Variants in BMP6 observed in about 807,000 individuals in gnomAD.
BMP6 encodes the protein VG-1-R.
A neutral mutation model predicts 54.1 loss-of-function variants in BMP6; 17 were observed. The observed-to-expected ratio is 0.31, with a 90% CI of 0.22 to 0.47. BMP6 has a LOEUF of 0.47. Ranked by LOEUF, BMP6 falls within the 20% of genes least tolerant of loss-of-function variation. The pLI is 1.00. For synonymous variants in BMP6, 328 were observed against 291.2 expected, an observed-to-expected ratio of 1.13 and a Z score of -1.28; for missense variants, 720 against 690.4, an observed-to-expected ratio of 1.04 and a Z score of -0.48.
intron 1 of BMP6, among the ~76,000 whole-genome samples, chr6:7,791,044 C>T (rs11759532): frequency 3.3e-5 from 5 of 151,870 alleles, no homozygotes; most frequent in Non-Finnish European, 4.4e-5. Context: ...CCCTCTCCTC[C>T]GACAAAATCC....
At chr6:7,840,930 T>C (rs1248189293) in intron 1 of BMP6, among the ~76,000 whole-genome samples, 2 of 152,152 alleles carry the variant, frequency 1.3e-5, no homozygotes, top group Non-Finnish European at 2.9e-5. Context: ...TTGAAAAAGC[T>C]AATTTAGAGG....
At chr6:7,797,755 TAAC>T (rs1758212193) in intron 1 of BMP6, among the ~76,000 whole-genome samples, 2 of 152,168 alleles carry the variant, frequency 1.3e-5, no homozygotes, top group South Asian at 4.1e-4. Context: ...ACTTTATTAA[TAAC>T]AGCAACAAAA....
intron 1 of BMP6, among the ~76,000 whole-genome samples, chr6:7,792,027 T>C (rs1356277879): frequency 6.8e-6 from 1 of 148,002 alleles, no homozygotes; most frequent in African/African-American, 2.6e-5. Flanking sequence ...GATGGATGGA[T>C]GGATGGAAAC....
Position 7,880,580 on chromosome 6 carries a change from G to C in BMP6, c.*237G>C. Reference sequence around the variant, plus strand: ...CTGAGTTTGGATGTCTGTAGCATAAGGTCTGGTAACTGCAGAAACATAACC... The same window carrying C: ...CTGAGTTTGGATGTCTGTAGCATAACGTCTGGTAACTGCAGAAACATAACC... On this transcript the variant is annotated 3_prime_UTR_variant, in exon 7 of 7. Transcript: ENST00000283147. 1 of 562,934 alleles carries C rather than the reference G, an allele frequency of 1.8e-6. No homozygotes were observed. The highest frequency in any genetic ancestry group is 3.0e-5 in the East Asian group (1 of 33,216). 34.9% of individuals were successfully genotyped at this position (562,934 alleles called of 1,614,324 possible). A position where few individuals can be genotyped will look rare whatever the true frequency, so the allele number is the denominator to read the frequency against.
At chr6:7,733,811 C>T (rs935470224) in intron 1 of BMP6, among the ~76,000 whole-genome samples, 4 of 152,180 alleles carry the variant, frequency 2.6e-5, no homozygotes, top group African/African-American at 4.8e-5. Context: ...CGGCACTAGT[C>T]TCTCCTGGAA....
intron 1 of BMP6, among the ~76,000 whole-genome samples, chr6:7,826,385 G>T (rs1397514626): frequency 6.6e-6 from 1 of 152,194 alleles, no homozygotes; most frequent in African/African-American, 2.4e-5. Context: ...AGAGGTCAGA[G>T]GGGCAGTGTG....
At chr6:7,779,829 T>C (rs17605530) in intron 1 of BMP6, among the ~76,000 whole-genome samples, 5,695 of 152,274 alleles carry the variant, frequency 0.037, 151 homozygotes, top group Non-Finnish European at 0.053. Context: ...AGCAAAGAGA[T>C]GCCATCTGAG....
intron 1 of BMP6, among the ~76,000 whole-genome samples, chr6:7,768,585 G>A (rs934309865): frequency 4.6e-5 from 7 of 152,070 alleles, no homozygotes; most frequent in African/African-American, 1.2e-4. Context: ...TCACCTCAGC[G>A]TCCTCAACAT....
chr6:7,766,902 G>C (rs960249621), intron 1 of BMP6, among the ~76,000 whole-genome samples: 1 of 151,698 alleles, frequency 6.6e-6, no homozygotes, highest in Admixed American at 6.6e-5. Flanking sequence ...GATTGGCCCA[G>C]TAAGGTATAA....
At chr6:7,872,350 C>A (rs1208844516) in intron 4 of BMP6, among the ~76,000 whole-genome samples, 2 of 151,372 alleles carry the variant, frequency 1.3e-5, no homozygotes, top group Non-Finnish European at 2.9e-5. Flanking sequence ...GGGTACTGAC[C>A]CTGAGTGGCA....
chr6:7,790,925 C>T (rs1363686628), intron 1 of BMP6, among the ~76,000 whole-genome samples: 1 of 152,130 alleles, frequency 6.6e-6, no homozygotes, highest in African/African-American at 2.4e-5. Flanking sequence ...TTTGCATGTT[C>T]GAGTCCACCC....
Position 7,727,707 on chromosome 6 carries a change from C to T in BMP6, c.664+88C>T, listed in dbSNP as rs1198330595. The T allele has an allele frequency of 3.7e-6, 5 of 1,359,680 alleles. No individual in the cohort carries two copies. The East Asian group carries it at 1.2e-4, about 32-fold the overall frequency. The allele number at this position is 1,359,680 out of a possible 1,614,324, so 84.2% of individuals were successfully genotyped here. On this transcript the variant is annotated intron_variant, in intron 1 of 6. Coordinates refer to ENST00000283147, the MANE Select transcript of BMP6 (RefSeq NM_001718.6). ...GGGATGGAGTGAGGGGGTGGAGGAGCTCCCGGCGCGCGGGTCCCGCCTGGT... is the reference window on the plus strand; with the variant it reads ...GGGATGGAGTGAGGGGGTGGAGGAGTTCCCGGCGCGCGGGTCCCGCCTGGT...
chr6:7,735,693 T>TC (rs1384695818), intron 1 of BMP6, among the ~76,000 whole-genome samples: 1 of 152,146 alleles, frequency 6.6e-6, no homozygotes, highest in Non-Finnish European at 1.5e-5. Context: ...TCCTCCATTA[T>TC]CACCCAGCAG....
At chr6:7,852,580 A>C (rs550301407) in intron 2 of BMP6, among the ~76,000 whole-genome samples, 16 of 152,206 alleles carry the variant, frequency 1.1e-4, no homozygotes, top group Non-Finnish European at 1.9e-4. Context: ...TTGTCTCAAA[A>C]AATTTTTTTT....
intron 1 of BMP6, among the ~76,000 whole-genome samples, chr6:7,816,388 C>G (rs1300262360): frequency 6.6e-6 from 1 of 152,198 alleles, no homozygotes; most frequent in African/African-American, 2.4e-5. Flanking sequence ...AAAAACTCTT[C>G]AAGGTCATGC....
chr6:7,825,700 A>G (rs1369789066), intron 1 of BMP6, among the ~76,000 whole-genome samples: 1 of 151,842 alleles, frequency 6.6e-6, no homozygotes, highest in Non-Finnish European at 1.5e-5. Flanking sequence ...AGCCTGGGCA[A>G]CAAGAGTGAA....
At chr6:7,733,629 G>C (rs6910759) in intron 1 of BMP6, among the ~76,000 whole-genome samples, 1 of 152,010 alleles carries the variant, frequency 6.6e-6, no homozygotes, top group Non-Finnish European at 1.5e-5. Flanking sequence ...TGTGTTCCCC[G>C]CAAGGAACCA....
intron 5 of BMP6, among the ~76,000 whole-genome samples, chr6:7,879,666 G>A (rs190068722): frequency 5.8e-4 from 88 of 152,260 alleles, no homozygotes; most frequent in African/African-American, 1.9e-3. Flanking sequence ...ATATGCAGGT[G>A]GCACTACTTC....
chr6:7,877,490 G>A (rs2113296469), intron 4 of BMP6, among the ~76,000 whole-genome samples: 1 of 152,294 alleles, frequency 6.6e-6, no homozygotes, highest in Middle Eastern at 3.4e-3. Context: ...GGGCATGGTG[G>A]CTCGCGCCTG....
Sources: gnomAD v4.1 joint callset for allele counts (sites outside exome capture counted in the v4.1 genomes callset) on GRCh38, gnomAD v4.1.1 for gene constraint, MANE v1.5 for transcripts, NCBI Gene and HGNC (gene_info 2026-07-23, HGNC 2026-07-21) for gene names.